The following EHD1 variants were observed in gnomAD, a reference collection of about 807,000 sequenced individuals.
EHD1 encodes EH domain-containing protein 1.
A neutral mutation model predicts 39.0 loss-of-function variants in EHD1; 19 were observed. That is an observed-to-expected ratio of 0.49 (90% CI 0.34 to 0.72). The LOEUF (loss-of-function observed/expected upper bound fraction) is 0.72, where lower values mean the gene tolerates loss of function less well. Among genes scored for constraint, EHD1 ranks in the 30% least tolerant of loss-of-function variants. The pLI, the probability that EHD1 is intolerant of heterozygous loss-of-function variation, is 0.01. For missense variants in EHD1, 542 were observed against 751.5 expected (o/e 0.72, Z 3.26); for synonymous variants, 323 against 331.2 (o/e 0.98, Z 0.27).
At chr11:64,870,018 C>T (rs78255249) in intron 2 of EHD1, among the ~76,000 whole-genome samples, 2,704 of 152,276 alleles carry the variant, frequency 0.018, 78 homozygotes, top group African/African-American at 0.061. Context: ...CACCAGAGGG[C>T]AAACGAGAGC....
In EHD1 at chr11:64,872,273, C is replaced by T. The variant is rs185310330; in HGVS notation, c.502+2148G>A. Among the ~76,000 whole-genome samples the T allele has an allele frequency of 9.9e-4, 150 of 152,256 alleles. 1 individual carries two copies. The highest frequency in any genetic ancestry group is 3.4e-3 in the Middle Eastern group (1 of 294). ...GTCAGGAGTTCAAGACCAGCCTGGC[C>T]AACATGGCGAAACCCCATATCTACT... is the stretch of plus-strand genomic sequence containing the variant. On this transcript the variant is annotated intron_variant, in intron 2 of 4. Coordinates refer to ENST00000320631, the MANE Select transcript of EHD1 (RefSeq NM_006795.4).
chr11:64,871,158 C>T (rs1186374786), intron 2 of EHD1, among the ~76,000 whole-genome samples: 1 of 152,222 alleles, frequency 6.6e-6, no homozygotes, highest in Admixed American at 6.5e-5. Context: ...TGTCCATCCA[C>T]GGCCTCCACA....
At chr11:64,858,360 T>C (rs2136478425) in intron 3 of EHD1, among the ~76,000 whole-genome samples, 1 of 151,976 alleles carries the variant, frequency 6.6e-6, no homozygotes, top group South Asian at 2.1e-4. Flanking sequence ...TTTTGTATTT[T>C]TTTTAGTAGA....
upstream of EHD1, chr11:64,879,142 C>T (rs1159420450): frequency 2.0e-6 from 2 of 1,014,044 alleles, no homozygotes; most frequent in Non-Finnish European, 2.4e-6. Context: ...CTGTCTTTGT[C>T]CCCTCATCTT....
intron 2 of EHD1, among the ~76,000 whole-genome samples, chr11:64,863,646 C>G (rs915754143): frequency 3.9e-5 from 6 of 152,222 alleles, no homozygotes; most frequent in Non-Finnish European, 7.4e-5. Flanking sequence ...CTGCCCCGGC[C>G]CCAGGCCCAA....
intron 2 of EHD1, among the ~76,000 whole-genome samples, chr11:64,869,237 G>A (rs530715056): frequency 1.3e-4 from 20 of 152,370 alleles, no homozygotes; most frequent in African/African-American, 4.8e-4. Flanking sequence ...GGCAGCGCCT[G>A]GTACGCCTCC....
intron 1 of EHD1, among the ~76,000 whole-genome samples, chr11:64,876,347 A>G (rs762071925): frequency 1.1e-4 from 17 of 152,124 alleles, no homozygotes; most frequent in Non-Finnish European, 2.4e-4. Flanking sequence ...CCCACACTAC[A>G]CATCCTGGCA....
intron 3 of EHD1, among the ~76,000 whole-genome samples, chr11:64,858,371 G>A (rs1248534169): frequency 6.6e-6 from 1 of 151,574 alleles, no homozygotes; most frequent in African/African-American, 2.4e-5. Flanking sequence ...TTTTAGTAGA[G>A]ATGGGGTTTT....
chr11:64,855,372 G>A lies in EHD1; in HGVS notation c.1030C>T (p.Arg344Cys), dbSNP rs770277984. ...NLGEIYQKIEREHQISPGDFP... is the reference protein window; with the variant it reads ...NLGEIYQKIECEHQISPGDFP... Reference sequence around the variant, plus strand: ...TCCCCAGGGGAGATCTGGTGCTCGCGCTCAATCTTCTGGTAGATCTCTCCG... The same window carrying A: ...TCCCCAGGGGAGATCTGGTGCTCGCACTCAATCTTCTGGTAGATCTCTCCG... Residue 344 changes from arginine (R) to cysteine (C), a missense_variant, in exon 4 of 5, where the codon CGC (arginine) becomes TGC (cysteine). By Grantham distance (180) the Arg-to-Cys change is radical. Transcript: ENST00000320631. The A allele has an allele frequency of 3.7e-6, 6 of 1,614,106 alleles. No individual in the cohort carries two copies. Among genetic ancestry groups the A allele is most frequent in the Admixed American group, 1.7e-5 (1 of 60,028 alleles).
At chr11:64,879,085 C>A, upstream of EHD1, 2 of 999,474 alleles carry the variant, frequency 2.0e-6, no homozygotes, top group Non-Finnish European at 1.2e-6. Flanking sequence ...CGGAGTACCC[C>A]CAGGCGGCGG....
rs779323196 is a variant in EHD1 at position 64,878,511 on chromosome 11, G to A, written c.-47C>T. ...TGCTGCGGGGCAGAGCGGCGGCTGAGAGCGGGGCGAGGGTGCGGAGCCGAG... is the reference window on the plus strand; with the variant it reads ...TGCTGCGGGGCAGAGCGGCGGCTGAAAGCGGGGCGAGGGTGCGGAGCCGAG... On this transcript the variant is annotated 5_prime_UTR_variant, in exon 1 of 5. Transcript: ENST00000320631. The A allele has an allele frequency of 6.5e-7, 1 of 1,542,740 alleles. No homozygotes were observed. Among genetic ancestry groups the A allele is most frequent in the South Asian group, 1.2e-5 (1 of 81,658 alleles).
chr11:64,857,293 G>A (rs1055456365), intron 3 of EHD1, among the ~76,000 whole-genome samples: 13 of 152,072 alleles, frequency 8.5e-5, no homozygotes, highest in African/African-American at 2.9e-4. Flanking sequence ...GTGTGGTGAC[G>A]GGCGCCTGCA....
intron 3 of EHD1, chr11:64,855,930 ACCAC>A (rs1943647949): frequency 4.0e-4 from 2 of 4,992 alleles, no homozygotes; most frequent in Non-Finnish European, 1.6e-3. Context: ...CTCAACCCTC[ACCAC>A]GCATCACACA....
chr11:64,854,302 G>C lies in EHD1; in HGVS notation c.*31C>G, dbSNP rs138745282. 1 of 1,570,290 alleles carries C rather than the reference G, an allele frequency of 6.4e-7. No homozygotes were observed. The highest frequency in any genetic ancestry group is 1.7e-5 in the Admixed American group (1 of 57,716). ...CCCCGTCTCTGCCTCCCGGCCGGGC[G>C]TGCAAATGGCAGGTGCGGGGCCGGG... On this transcript the variant is annotated 3_prime_UTR_variant, in exon 5 of 5. Transcript: ENST00000320631.
At chr11:64,876,064 C>T (rs1249021317) in intron 1 of EHD1, among the ~76,000 whole-genome samples, 4 of 152,182 alleles carry the variant, frequency 2.6e-5, no homozygotes, top group Non-Finnish European at 4.4e-5. Context: ...AAGATGCCTC[C>T]GATTCCATCT....
rs1395550456 is a variant in EHD1 at position 64,873,110 on chromosome 11, G to A, written c.502+1311C>T. On this transcript the variant is annotated intron_variant, in intron 2 of 4. Coordinates refer to ENST00000320631, the MANE Select transcript of EHD1 (RefSeq NM_006795.4). The stretch of plus-strand genomic sequence containing the variant: ...AAGCGCCCCACCCGTCTGTGAAAAA[G>A]GGGCAGTGACAGATGGAGGACCCAG... Among the ~76,000 whole-genome samples, 3 of 152,192 alleles carry A rather than the reference G, an allele frequency of 2.0e-5. No homozygotes were observed. In the East Asian group the frequency reaches 5.8e-4, roughly 29 times the overall value.
At position 64,860,059 on chromosome 11, in the gene EHD1, G is replaced by A; in HGVS notation, c.780C>T (p.His260=). The A allele has an allele frequency of 2.5e-6, 4 of 1,614,188 alleles. No homozygotes were observed. The highest frequency in any genetic ancestry group is 3.4e-6 in the Non-Finnish European group (4 of 1,180,038). The change falls in exon 3 of 5, where the codon CAC becomes CAT. Residue 260 remains histidine, a synonymous_variant. Transcript: ENST00000320631. ...TGCGGTTGTCGGGGATGAGGAGCGGGTGGGACCAGAAGGAGCCGATGTAGA... is the reference window on the plus strand; with the variant it reads ...TGCGGTTGTCGGGGATGAGGAGCGGATGGGACCAGAAGGAGCCGATGTAGA... ...VRVYIGSFWS[H]PLLIPDNRKL...
chr11:64,860,084 A>G lies in EHD1; in HGVS notation c.755T>C (p.Val252Ala). 1 of 1,613,930 alleles carries G rather than the reference A, an allele frequency of 6.2e-7. No homozygotes were observed. The highest frequency in any genetic ancestry group is 8.5e-7 in the Non-Finnish European group (1 of 1,179,984). ...KIINTPEVVR[V>A]YIGSFWSHPL... ...GTGGGACCAGAAGGAGCCGATGTAG[A>G]CCCTGACCACCTCGGGGGTGTTGAT... Residue 252 changes from valine (V) to alanine (A), a missense_variant, in exon 3 of 5, where the codon GTC (valine) becomes GCC (alanine). Transcript: ENST00000320631.
At chr11:64,865,603 A>G (rs1342569647) in intron 2 of EHD1, among the ~76,000 whole-genome samples, 1 of 152,222 alleles carries the variant, frequency 6.6e-6, no homozygotes, top group Non-Finnish European at 1.5e-5. Flanking sequence ...TTAGTGAGTA[A>G]AAGCCAGAGC....
Sources: gnomAD v4.1 joint callset for allele counts (sites outside exome capture counted in the v4.1 genomes callset) on GRCh38, gnomAD v4.1.1 for gene constraint, MANE v1.5 for transcripts, NCBI Gene and HGNC (gene_info 2026-07-23, HGNC 2026-07-21) for gene names.